The following CTNNA3 variants were observed in gnomAD, a reference collection of about 807,000 sequenced individuals.
CTNNA3 encodes the protein catenin alpha-3.
In CTNNA3, 76 loss-of-function variants were observed where a neutral mutation model predicts 95.7. That is an observed-to-expected ratio of 0.79 (90% CI 0.66 to 0.96). The LOEUF is 0.96. Among genes scored for constraint, CTNNA3 ranks in the 40% least tolerant of loss-of-function variants. The pLI, the probability that CTNNA3 is intolerant of heterozygous loss-of-function variation, is 0.00. For synonymous variants in CTNNA3, 431 were observed against 374.4 expected (o/e 1.15, Z -1.74); for missense variants, 1,191 against 1,089.8 (o/e 1.09, Z -1.31).
chr10:67,580,247 G>A (rs1027445288), intron 3 of CTNNA3, among the ~76,000 whole-genome samples: 65 of 152,174 alleles, frequency 4.3e-4, no homozygotes, highest in African/African-American at 1.5e-3. Context: ...GTGTAAGGAA[G>A]GGATTCAGTT....
intron 5 of CTNNA3, among the ~76,000 whole-genome samples, chr10:67,327,790 G>A (rs1250684061): frequency 2.0e-5 from 3 of 152,222 alleles, no homozygotes; most frequent in East Asian, 1.9e-4. Context: ...CCCTGCAAGT[G>A]TTCACCACAG....
intron 13 of CTNNA3, among the ~76,000 whole-genome samples, chr10:66,262,077 G>T (rs1019578389): frequency 7.9e-5 from 12 of 151,890 alleles, no homozygotes; most frequent in African/African-American, 2.7e-4. Flanking sequence ...ACCTATTATG[G>T]TTACTTGATT....
At chr10:66,470,483 C>G (rs10997153) in intron 11 of CTNNA3, among the ~76,000 whole-genome samples, 9,384 of 151,730 alleles carry the variant, frequency 0.062, 605 homozygotes, top group African/African-American at 0.16. Flanking sequence ...CCACCTGGCT[C>G]TAGACATGGA....
intron 12 of CTNNA3, among the ~76,000 whole-genome samples, chr10:66,346,246 T>TAGAGAGAGAG (rs371257440): frequency 6.1e-4 from 17 of 27,764 alleles, no homozygotes; most frequent in African/African-American, 7.9e-4. Context: ...TATATATATA[T>TAGAGAGAGAG]AGAGAGAGAG....
At chr10:66,406,427 C>T (rs2093058171) in intron 11 of CTNNA3, among the ~76,000 whole-genome samples, 1 of 152,106 alleles carries the variant, frequency 6.6e-6, no homozygotes, top group Non-Finnish European at 1.5e-5. Context: ...TTCTTGCTGC[C>T]TGGATTTCCA....
chr10:66,208,207 CAG>C (rs1357679547), intron 13 of CTNNA3, among the ~76,000 whole-genome samples: 1 of 151,956 alleles, frequency 6.6e-6, no homozygotes, highest in African/African-American at 2.4e-5. Flanking sequence ...ATTAAGTAGA[CAG>C]AGAGAGAGGG....
At chr10:66,087,246 C>T (rs2081019042) in intron 14 of CTNNA3, among the ~76,000 whole-genome samples, 1 of 152,142 alleles carries the variant, frequency 6.6e-6, no homozygotes, top group Non-Finnish European at 1.5e-5. Context: ...ACCCCAAACC[C>T]AGAAACATAC....
intron 5 of CTNNA3, among the ~76,000 whole-genome samples, chr10:67,498,450 GT>G: frequency 6.6e-6 from 1 of 152,236 alleles, no homozygotes; most frequent in Non-Finnish European, 1.5e-5. Flanking sequence ...ATTTAAAGTC[GT>G]TTTTTCTAAT....
intron 5 of CTNNA3, among the ~76,000 whole-genome samples, chr10:67,484,751 G>C (rs1848380306): frequency 6.6e-6 from 1 of 151,968 alleles, no homozygotes; most frequent in East Asian, 1.9e-4. Flanking sequence ...ACCACAATGG[G>C]ACACCACCTC....
intron 11 of CTNNA3, among the ~76,000 whole-genome samples, chr10:66,441,664 T>C (rs887632357): frequency 1.7e-4 from 26 of 152,228 alleles, no homozygotes; most frequent in African/African-American, 6.3e-4. Context: ...TTTACTCTCT[T>C]GCAGACATAT....
chr10:66,649,421 G>C (rs951575384), intron 9 of CTNNA3, among the ~76,000 whole-genome samples: 1 of 152,088 alleles, frequency 6.6e-6, no homozygotes, highest in Non-Finnish European at 1.5e-5. Context: ...CACTGATAAA[G>C]GTAAGAAGGA....
intron 17 of CTNNA3, among the ~76,000 whole-genome samples, chr10:65,966,022 G>A (rs2077957513): frequency 6.6e-6 from 1 of 152,036 alleles, no homozygotes; most frequent in African/African-American, 2.4e-5. Context: ...ATTAAAAGAT[G>A]AGTAGAAAAG....
intron 7 of CTNNA3, among the ~76,000 whole-genome samples, chr10:66,988,846 C>T (rs1444119018): frequency 6.6e-6 from 1 of 151,806 alleles, no homozygotes; most frequent in East Asian, 1.9e-4. Context: ...AAACTCTGCC[C>T]TCCTCCCTGT....
intron 15 of CTNNA3, among the ~76,000 whole-genome samples, chr10:66,042,613 A>G (rs2079718465): frequency 6.6e-6 from 1 of 151,948 alleles, no homozygotes; most frequent in Non-Finnish European, 1.5e-5. Flanking sequence ...AAAAAATGAG[A>G]ATACAGCCAG....
intron 12 of CTNNA3, among the ~76,000 whole-genome samples, chr10:66,323,495 A>T (rs2092216649): frequency 6.6e-6 from 1 of 151,706 alleles, no homozygotes; most frequent in Non-Finnish European, 1.5e-5. Flanking sequence ...AATACAAAAA[A>T]TAAAAATTAG....
intron 13 of CTNNA3, among the ~76,000 whole-genome samples, chr10:66,236,573 T>C (rs907153621): frequency 6.6e-6 from 1 of 152,146 alleles, no homozygotes; most frequent in Non-Finnish European, 1.5e-5. Context: ...ATCCATAATT[T>C]TTAAGGAAAA....
intron 7 of CTNNA3, among the ~76,000 whole-genome samples, chr10:66,825,877 C>T (rs1449589632): frequency 3.3e-5 from 5 of 152,178 alleles, no homozygotes; most frequent in Non-Finnish European, 7.3e-5. Context: ...TTCAAGCTCC[C>T]CAGGCCCTAA....
chr10:67,322,648 T>C (rs1213115447), intron 5 of CTNNA3, among the ~76,000 whole-genome samples: 6 of 152,206 alleles, frequency 3.9e-5, no homozygotes, highest in Non-Finnish European at 8.8e-5. Flanking sequence ...GTTTATTCCA[T>C]GTCTTTGCTA....
intron 9 of CTNNA3, among the ~76,000 whole-genome samples, chr10:66,687,386 C>T (rs1157512382): frequency 6.6e-6 from 1 of 152,194 alleles, no homozygotes; most frequent in African/African-American, 2.4e-5. Flanking sequence ...TTCATTGGTA[C>T]ATACCCATCC....
Sources: gnomAD v4.1 joint callset for allele counts (sites outside exome capture counted in the v4.1 genomes callset) on GRCh38, gnomAD v4.1.1 for gene constraint, MANE v1.5 for transcripts, NCBI Gene and HGNC (gene_info 2026-07-23, HGNC 2026-07-21) for gene names.